The following NRG3 variants were observed in gnomAD, a reference collection of about 807,000 sequenced individuals.
NRG3 encodes the protein neuregulin 3, also known as pro-neuregulin-3, membrane-bound isoform.
NRG3 carries 31 observed loss-of-function variants against 66.9 expected under a neutral mutation model. The ratio of observed to expected loss-of-function variants is 0.46; its 90% confidence interval spans 0.35 to 0.63. The LOEUF is 0.63. Ranked by LOEUF, NRG3 falls within the 20% of genes least tolerant of loss-of-function variation. The probability of loss-of-function intolerance (pLI) is 0.00; values close to 1 mark genes in which losing one functional copy is unlikely to be tolerated. For synonymous variants in NRG3, 393 were observed against 359.4 expected (o/e 1.09, Z -1.06); for missense variants, 910 against 878.9 (o/e 1.04, Z -0.45).
intron 1 of NRG3, among the ~76,000 whole-genome samples, chr10:82,144,911 C>A (rs778249724): frequency 6.6e-5 from 10 of 152,198 alleles, no homozygotes; most frequent in Non-Finnish European, 1.2e-4. Flanking sequence ...TAGTCTCATT[C>A]TCCTTGTTGT....
At chr10:82,501,309 C>T (rs1163922850) in intron 2 of NRG3, among the ~76,000 whole-genome samples, 6 of 152,162 alleles carry the variant, frequency 3.9e-5, no homozygotes, top group African/African-American at 1.4e-4. Context: ...GTGCTTCTGC[C>T]TATGTCCTCC....
intron 2 of NRG3, among the ~76,000 whole-genome samples, chr10:82,422,801 A>G (rs760250694): frequency 8.6e-5 from 13 of 152,028 alleles, no homozygotes; most frequent in Non-Finnish European, 1.6e-4. Flanking sequence ...CCTGGGTAAC[A>G]GTTGTCAACT....
intron 4 of NRG3, among the ~76,000 whole-genome samples, chr10:82,917,388 G>A (rs938906801): frequency 6.6e-6 from 1 of 152,122 alleles, no homozygotes; most frequent in South Asian, 2.1e-4. Context: ...AAATAAAAGC[G>A]ACAGTCCAAG....
chr10:82,670,299 A>ACC (rs1462116196), intron 2 of NRG3, among the ~76,000 whole-genome samples: 1 of 151,952 alleles, frequency 6.6e-6, no homozygotes, highest in Non-Finnish European at 1.5e-5. Flanking sequence ...CTCAGTAGTC[A>ACC]CCCCATAAAT....
intron 4 of NRG3, among the ~76,000 whole-genome samples, chr10:82,930,119 G>T (rs912951465): frequency 2.0e-5 from 3 of 152,094 alleles, no homozygotes; most frequent in Non-Finnish European, 4.4e-5. Context: ...TTTTTCTCAA[G>T]GTAATAACAT....
chr10:82,690,850 A>G (rs1305017536), intron 2 of NRG3, among the ~76,000 whole-genome samples: 1 of 152,116 alleles, frequency 6.6e-6, no homozygotes, highest in Non-Finnish European at 1.5e-5. Context: ...TATTTTTTAA[A>G]TGATGTAAAA....
At chr10:82,551,933 A>G (rs1457458140) in intron 2 of NRG3, among the ~76,000 whole-genome samples, 2 of 151,536 alleles carry the variant, frequency 1.3e-5, no homozygotes, top group Non-Finnish European at 2.9e-5. Context: ...ATGTTCATCC[A>G]CCATTCTCTT....
At chr10:82,948,228 G>A (rs1197617102) in intron 4 of NRG3, among the ~76,000 whole-genome samples, 2 of 151,978 alleles carry the variant, frequency 1.3e-5, no homozygotes, top group Admixed American at 6.6e-5. Context: ...GGCCACATAA[G>A]TTTCGAATAT....
chr10:82,163,711 G>A (rs1367464418), intron 1 of NRG3, among the ~76,000 whole-genome samples: 3 of 152,150 alleles, frequency 2.0e-5, no homozygotes, highest in African/African-American at 7.2e-5. Flanking sequence ...GAACATGGTT[G>A]TCCTGATTGA....
At chr10:82,224,661 T>C (rs1234280151) in intron 1 of NRG3, among the ~76,000 whole-genome samples, 2 of 152,170 alleles carry the variant, frequency 1.3e-5, no homozygotes, top group African/African-American at 4.8e-5. Flanking sequence ...CTACATGACT[T>C]AACCCTAGAA....
chr10:82,399,967 C>A (rs2086969867), intron 2 of NRG3, among the ~76,000 whole-genome samples: 1 of 152,154 alleles, frequency 6.6e-6, no homozygotes, highest in Admixed American at 6.5e-5. Context: ...TGCCATTCAA[C>A]AAATACCTGC....
At chr10:82,402,233 T>A (rs983484849) in intron 2 of NRG3, among the ~76,000 whole-genome samples, 6 of 152,014 alleles carry the variant, frequency 3.9e-5, no homozygotes, top group African/African-American at 1.4e-4. Context: ...GAATAAATAG[T>A]CATAGAAATA....
At chr10:82,849,452 C>G (rs1032359304) in intron 3 of NRG3, among the ~76,000 whole-genome samples, 8 of 152,144 alleles carry the variant, frequency 5.3e-5, no homozygotes, top group African/African-American at 1.9e-4. Flanking sequence ...AAGCCCCTGC[C>G]TCACAGAGCT....
In NRG3 at chr10:82,415,926, A is replaced by C. The variant is rs535376664; in HGVS notation, c.953+57058A>C. ...GAACTACTTTTCACTCATTTTTGGC[A>C]TACACAGTTGTGTATTCAGATAATT... On this transcript the variant is annotated intron_variant, in intron 2 of 8. Coordinates refer to ENST00000372141, the MANE Select transcript of NRG3 (RefSeq NM_001010848.4). Among the ~76,000 whole-genome samples the C allele has an allele frequency of 1.4e-4, 21 of 152,278 alleles. No individual in the cohort carries two copies. In the South Asian group the frequency reaches 4.3e-3, roughly 32 times the overall value.
chr10:82,032,357 G>GT (rs2062609408), intron 1 of NRG3, among the ~76,000 whole-genome samples: 1 of 151,350 alleles, frequency 6.6e-6, no homozygotes, highest in Non-Finnish European at 1.5e-5. Context: ...TACAAAGGAA[G>GT]TTTTTTCCCT....
intron 2 of NRG3, among the ~76,000 whole-genome samples, chr10:82,686,689 T>C (rs2134167412): frequency 6.6e-6 from 1 of 152,330 alleles, no homozygotes; most frequent in East Asian, 1.9e-4. Context: ...CGTTATGCAG[T>C]GCATGAGTGT....
At chr10:82,611,443 G>A (rs1048199887) in intron 2 of NRG3, among the ~76,000 whole-genome samples, 3 of 151,788 alleles carry the variant, frequency 2.0e-5, no homozygotes, top group African/African-American at 7.3e-5. Context: ...GACAGGCCCT[G>A]GTGTGTGATG....
chr10:82,929,128 A>T (rs1051580812), intron 4 of NRG3, among the ~76,000 whole-genome samples: 2 of 152,234 alleles, frequency 1.3e-5, no homozygotes, highest in Non-Finnish European at 2.9e-5. Flanking sequence ...CTCTCATCAC[A>T]CAAAGCACAC....
chr10:82,022,060 A>C (rs1224761947), intron 1 of NRG3, among the ~76,000 whole-genome samples: 9 of 151,888 alleles, frequency 5.9e-5, no homozygotes. Context: ...AATGGGCATC[A>C]CTGATTCATT....
Sources: gnomAD v4.1 joint callset for allele counts (sites outside exome capture counted in the v4.1 genomes callset) on GRCh38, gnomAD v4.1.1 for gene constraint, MANE v1.5 for transcripts, NCBI Gene and HGNC (gene_info 2026-07-23, HGNC 2026-07-21) for gene names.